PPP2R2C: variants seen among roughly 807,000 people sequenced by gnomAD.
PPP2R2C encodes protein phosphatase 2 regulatory subunit Bgamma, also known as protein phosphatase 2, regulatory subunit B, gamma.
Under a neutral mutation model 45.3 loss-of-function variants are expected in PPP2R2C, and 10 were observed. The observed-to-expected ratio is 0.22, with a 90% CI of 0.14 to 0.37. PPP2R2C has a LOEUF of 0.37. PPP2R2C is among the 10% of genes least tolerant of loss of function. PPP2R2C has a pLI of 1.00. For synonymous variants in PPP2R2C, 257 were observed against 245.4 expected, an observed-to-expected ratio of 1.05 and a Z score of -0.44; for missense variants, 308 against 619.7, an observed-to-expected ratio of 0.50 and a Z score of 5.34.
intron 1 of PPP2R2C, among the ~76,000 whole-genome samples, chr4:6,410,370 G>A (rs966882104): frequency 6.6e-6 from 1 of 152,112 alleles, no homozygotes; most frequent in African/African-American, 2.4e-5. Context: ...GGGGACTCTC[G>A]ACCCCTGACT....
At chr4:6,429,577 C>T (rs931565364) in intron 1 of PPP2R2C, among the ~76,000 whole-genome samples, 1 of 152,144 alleles carries the variant, frequency 6.6e-6, no homozygotes, top group African/African-American at 2.4e-5. Context: ...CAGCACGAGA[C>T]CCCCTCAGTC....
rs1169938322 is a variant in PPP2R2C at position 6,472,429 on chromosome 4, T to C, written c.-200A>G. ...GCGCCGCGGTCAAGCGAGCGCGCGG[T>C]GGGCGGGCGGCGGCCGCGGGTTCGG... On this transcript the variant is annotated 5_prime_UTR_variant, in exon 1 of 9. Coordinates refer to ENST00000382599, the MANE Select transcript of PPP2R2C (RefSeq NM_020416.4). The C allele has an allele frequency of 2.1e-6, 1 of 485,668 alleles. No individual in the cohort carries two copies. Among genetic ancestry groups the C allele is most frequent in the African/African-American group, 2.2e-5 (1 of 46,182 alleles). 30.1% of individuals were successfully genotyped at this position (485,668 alleles called of 1,614,324 possible).
At chr4:6,341,852 G>T (rs1368811172) in intron 6 of PPP2R2C, among the ~76,000 whole-genome samples, 1 of 152,084 alleles carries the variant, frequency 6.6e-6, no homozygotes, top group African/African-American at 2.4e-5. Context: ...AGCCTCCAGA[G>T]ATAACACAGG....
Position 6,323,254 on chromosome 4 carries a change from G to A in PPP2R2C, c.*48C>T. 6.5e-7 allele frequency: 1 copy of A among 1,548,522 alleles called. No individual in the cohort carries two copies. The highest frequency in any genetic ancestry group is 1.2e-5 in the South Asian group (1 of 81,208). Reference sequence around the variant, plus strand: ...ATTGCGGTCGTGAAGGTCATGTCGGGGATGACTTGCATGAGGCTGGGTGGC... The same window carrying A: ...ATTGCGGTCGTGAAGGTCATGTCGGAGATGACTTGCATGAGGCTGGGTGGC... On this transcript the variant is annotated 3_prime_UTR_variant, in exon 9 of 9. Coordinates refer to ENST00000382599, the MANE Select transcript of PPP2R2C (RefSeq NM_020416.4).
chr4:6,499,763 A>AT (rs1394830851), intron 2 of PPP2R2C, among the ~76,000 whole-genome samples: 1 of 149,542 alleles, frequency 6.7e-6, no homozygotes, highest in Non-Finnish European at 1.5e-5. Context: ...CCATTGAACC[A>AT]TAAAAAAAAA....
At chr4:6,333,345 C>G (rs1292795063) in intron 7 of PPP2R2C, among the ~76,000 whole-genome samples, 1 of 152,248 alleles carries the variant, frequency 6.6e-6, no homozygotes, top group Non-Finnish European at 1.5e-5. Context: ...AGGCCTTGCT[C>G]AGGGACATCC....
intron 1 of PPP2R2C, among the ~76,000 whole-genome samples, chr4:6,417,127 C>A (rs1322217380): frequency 1.3e-5 from 2 of 152,220 alleles, no homozygotes; most frequent in Non-Finnish European, 2.9e-5. Context: ...TCTCTCTTTG[C>A]CGCCCCTTTT....
chr4:6,527,467 T>G (rs962462042), intron 2 of PPP2R2C, among the ~76,000 whole-genome samples: 3 of 142,570 alleles, frequency 2.1e-5, no homozygotes, highest in African/African-American at 8.0e-5. Context: ...GCAGCCTCTG[T>G]GGCCAAGGTG....
chr4:6,354,249 T>A (rs1187391039), intron 5 of PPP2R2C, among the ~76,000 whole-genome samples: 1 of 151,828 alleles, frequency 6.6e-6, no homozygotes, highest in Non-Finnish European at 1.5e-5. Context: ...GAGGTCGGAC[T>A]TGCCCAGCGT....
chr4:6,554,938 A>G (rs4689481), intron 1 of PPP2R2C, among the ~76,000 whole-genome samples: 22,683 of 63,252 alleles, frequency 0.36, 2,620 homozygotes, highest in Non-Finnish European at 0.39. Flanking sequence ...AAGGAAAGAA[A>G]GAAAGAAAGA....
rs1341000957 is a variant in PPP2R2C at position 6,322,229 on chromosome 4, G to C, written c.*1073C>G. 1.3e-5 allele frequency: 2 copies of C among 152,080 alleles called. No individual in the cohort carries two copies. The highest frequency in any genetic ancestry group is 2.4e-5 in the African/African-American group (1 of 41,398). 9.4% of individuals were successfully genotyped at this position (152,080 alleles called of 1,614,324 possible). A position where few individuals can be genotyped will look rare whatever the true frequency, so the allele number is the denominator to read the frequency against. On this transcript the variant is annotated 3_prime_UTR_variant, in exon 9 of 9. Transcript: ENST00000382599. The surrounding 1 kb of genome is among the most constrained non-coding windows in gnomAD (Gnocchi z 7.8). ...GGAGAGAACCTTGTGTGAAGACCCG[G>C]ACGGGTTCCTGACACCACTGCACGG...
At chr4:6,502,995 C>T (rs1370967734) in intron 2 of PPP2R2C, among the ~76,000 whole-genome samples, 2 of 152,170 alleles carry the variant, frequency 1.3e-5, no homozygotes, top group Non-Finnish European at 2.9e-5. Flanking sequence ...GAAGCGTCTT[C>T]ACTGGCTCCC....
At chr4:6,523,433 G>C (rs1249399460) in intron 2 of PPP2R2C, 1 of 152,170 alleles carries the variant, frequency 6.6e-6, no homozygotes, top group Non-Finnish European at 1.5e-5. Context: ...CAGTGGCCTT[G>C]GACACATACA....
At chr4:6,492,734 T>G (rs1488175968) in intron 2 of PPP2R2C, among the ~76,000 whole-genome samples, 1 of 152,162 alleles carries the variant, frequency 6.6e-6, no homozygotes, top group Non-Finnish European at 1.5e-5. Flanking sequence ...ACTACTTTCA[T>G]GGAATGCAAA....
intron 2 of PPP2R2C, among the ~76,000 whole-genome samples, chr4:6,511,733 A>T (rs62644669): frequency 9.1e-3 from 18 of 1,974 alleles, no homozygotes; most frequent in Admixed American, 0.027. Context: ...ATGGTGGTGG[A>T]GGTGATGGTG....
At chr4:6,377,666 A>T (rs1715438841) in intron 3 of PPP2R2C, among the ~76,000 whole-genome samples, 1 of 152,052 alleles carries the variant, frequency 6.6e-6, no homozygotes, top group Admixed American at 6.5e-5. Context: ...TCTCTCAAAA[A>T]AAGAAAAAAA....
chr4:6,324,830 G>A lies in PPP2R2C; in HGVS notation c.1053-1237C>T, dbSNP rs1378696867. 1.3e-5 allele frequency among the ~76,000 whole-genome samples: 2 copies of A among 152,254 alleles called. No individual in the cohort carries two copies. The highest frequency in any genetic ancestry group is 4.1e-4 in the South Asian group (2 of 4,838). On this transcript the variant is annotated intron_variant, in intron 8 of 8. Coordinates refer to ENST00000382599, the MANE Select transcript of PPP2R2C (RefSeq NM_020416.4). This position sits in a 1 kb window ranked among gnomAD's most constrained non-coding sequence, Gnocchi z 4.1. ...GCACAGTTCTGTGGGCCTGCGCCCA[G>A]AGGGAGGGTTTTGGGGTTTGGCCTC... is the stretch of plus-strand genomic sequence containing the variant.
chr4:6,452,223 G>A (rs2108747454), intron 1 of PPP2R2C, among the ~76,000 whole-genome samples: 1 of 152,234 alleles, frequency 6.6e-6, no homozygotes, highest in Middle Eastern at 3.4e-3. Context: ...TGCTAGCCTG[G>A]GGGCCATCTG....
chr4:6,519,669 T>C (rs1723952539), intron 2 of PPP2R2C, among the ~76,000 whole-genome samples: 1 of 152,198 alleles, frequency 6.6e-6, no homozygotes, highest in African/African-American at 2.4e-5. Flanking sequence ...ATGATATTCA[T>C]TAAATGAATG....
Sources: allele counts gnomAD v4.1 joint callset (sites outside exome capture counted in the v4.1 genomes callset), GRCh38; gene constraint gnomAD v4.1.1; non-coding constraint Gnocchi (gnomAD v3.1); transcripts MANE v1.5; gene names NCBI Gene and HGNC (gene_info 2026-07-23, HGNC 2026-07-21).